The following OPCML variants were observed in gnomAD, a reference collection of about 807,000 sequenced individuals.
OPCML encodes opioid binding protein/cell adhesion molecule like.
Under a neutral mutation model 37.8 loss-of-function variants are expected in OPCML, and 13 were observed. The observed-to-expected ratio is 0.34, with a 90% CI of 0.22 to 0.55. The LOEUF is 0.55. Ranked by LOEUF, OPCML falls within the 20% of genes least tolerant of loss-of-function variation. OPCML has a pLI of 0.91. For missense variants in OPCML, 341 were observed against 435.6 expected (o/e 0.78, Z 1.93); for synonymous variants, 176 against 168.8 (o/e 1.04, Z -0.33).
chr11:133,256,553 C>G (rs1271657348), intron 1 of OPCML, among the ~76,000 whole-genome samples: 3 of 152,070 alleles, frequency 2.0e-5, no homozygotes, highest in African/African-American at 7.2e-5. Flanking sequence ...TTATTGTGTA[C>G]TATACACACT....
At chr11:132,454,375 C>A (rs1329283555) in intron 4 of OPCML, among the ~76,000 whole-genome samples, 1 of 152,152 alleles carries the variant, frequency 6.6e-6, no homozygotes, top group East Asian at 1.9e-4. Context: ...ATGGTGGAAG[C>A]CTGATTTGGA....
intron 3 of OPCML, among the ~76,000 whole-genome samples, chr11:132,642,234 A>T (rs1940891523): frequency 6.6e-6 from 1 of 152,092 alleles, no homozygotes; most frequent in Admixed American, 6.6e-5. Context: ...TGCTGATATT[A>T]TTTCTCTTTT....
intron 1 of OPCML, chr11:133,298,000 A>G (rs773851975): frequency 2.6e-5 from 4 of 151,224 alleles, no homozygotes; most frequent in East Asian, 3.9e-4. Flanking sequence ...TCTTCCTTCT[A>G]TTTCTCCCCC....
chr11:132,699,101 A>G (rs548232336), intron 2 of OPCML, among the ~76,000 whole-genome samples: 1 of 151,804 alleles, frequency 6.6e-6, no homozygotes, highest in Non-Finnish European at 1.5e-5. Flanking sequence ...ATTTATTCCT[A>G]AGGTTTTTTT....
At chr11:133,044,821 A>G (rs1479086503) in intron 1 of OPCML, among the ~76,000 whole-genome samples, 2 of 152,108 alleles carry the variant, frequency 1.3e-5, no homozygotes, top group Admixed American at 1.3e-4. Flanking sequence ...ACGAGACTCT[A>G]CAGTTCAAAA....
At chr11:133,337,982 AG>A (rs1943780811) in intron 1 of OPCML, among the ~76,000 whole-genome samples, 1 of 151,924 alleles carries the variant, frequency 6.6e-6, no homozygotes, top group African/African-American at 2.4e-5. Context: ...TACCTGTGGA[AG>A]CCACAGGGCC....
intron 1 of OPCML, chr11:133,419,387 T>C: frequency 2.1e-6 from 2 of 973,344 alleles, no homozygotes; most frequent in Non-Finnish European, 2.4e-6. Context: ...TCGTCAGAGC[T>C]TATTGCTAAA....
chr11:133,298,375 A>C (rs912388961), intron 1 of OPCML: 7 of 152,228 alleles, frequency 4.6e-5, no homozygotes, highest in Admixed American at 3.9e-4. Context: ...AAATCATCAA[A>C]TATTTGGAGC....
At chr11:132,450,011 C>A (rs377193998) in intron 4 of OPCML, among the ~76,000 whole-genome samples, 1 of 152,120 alleles carries the variant, frequency 6.6e-6, no homozygotes, top group Non-Finnish European at 1.5e-5. Flanking sequence ...CAGAAACCTG[C>A]GCTGGCTCTG....
At chr11:133,103,170 C>T (rs534071517) in intron 1 of OPCML, among the ~76,000 whole-genome samples, 3 of 152,254 alleles carry the variant, frequency 2.0e-5, no homozygotes, top group East Asian at 3.9e-4. Flanking sequence ...TTTTAACTTA[C>T]GCATTTGCTT....
At chr11:133,439,483 T>A (rs1946314445) in intron 1 of OPCML, 8 of 977,546 alleles carry the variant, frequency 8.2e-6, no homozygotes, top group Middle Eastern at 5.3e-4. Context: ...TTTTTTCTTT[T>A]TTGAGATGGA....
intron 1 of OPCML, among the ~76,000 whole-genome samples, chr11:132,987,980 T>C (rs1000208082): frequency 3.3e-5 from 5 of 152,246 alleles, no homozygotes; most frequent in Non-Finnish European, 7.3e-5. Context: ...GATTATGGAT[T>C]TGAAATTACC....
At position 132,506,128 on chromosome 11, in the gene OPCML, G is replaced by A. The variant is rs543549626; in HGVS notation, c.505+22933C>T. On this transcript the variant is annotated intron_variant, in intron 4 of 7. Coordinates refer to ENST00000524381, the MANE Select transcript of OPCML (RefSeq NM_001012393.5). The stretch of plus-strand genomic sequence containing the variant: ...ATATAATGAAGGGGTAACCACAGGA[G>A]TTTTAAGGGTAAAGATTGTGACCTT... Among the ~76,000 whole-genome samples the A allele has an allele frequency of 7.9e-5, 12 of 152,314 alleles. 1 individual carries two copies. The South Asian group carries it at 2.3e-3, about 29-fold the overall frequency.
intron 2 of OPCML, among the ~76,000 whole-genome samples, chr11:132,801,705 G>A (rs1230659160): frequency 6.6e-6 from 1 of 152,106 alleles, no homozygotes; most frequent in African/African-American, 2.4e-5. Context: ...TTCCATTTTT[G>A]TGTTTAAAAT....
At chr11:133,108,078 T>C (rs528665305) in intron 1 of OPCML, among the ~76,000 whole-genome samples, 4 of 152,330 alleles carry the variant, frequency 2.6e-5, no homozygotes, top group Non-Finnish European at 5.9e-5. Flanking sequence ...CAAATTATTC[T>C]TGTTTATGGC....
At chr11:132,807,216 C>T (rs1013648659) in intron 2 of OPCML, among the ~76,000 whole-genome samples, 7 of 151,902 alleles carry the variant, frequency 4.6e-5, no homozygotes, top group Non-Finnish European at 8.8e-5. Flanking sequence ...TAGAGAAAAC[C>T]TACGTCTCAA....
At chr11:133,163,104 C>T (rs190691554) in intron 1 of OPCML, among the ~76,000 whole-genome samples, 3 of 152,186 alleles carry the variant, frequency 2.0e-5, no homozygotes, top group African/African-American at 7.2e-5. Context: ...TGCAGTTAAA[C>T]TTTATTTATT....
intron 1 of OPCML, among the ~76,000 whole-genome samples, chr11:133,287,611 G>A (rs940947979): frequency 5.9e-5 from 9 of 151,986 alleles, no homozygotes; most frequent in African/African-American, 2.2e-4. Flanking sequence ...GTGTATAGAG[G>A]AGGCATGGAG....
chr11:133,344,310 T>C (rs994918089), intron 1 of OPCML, among the ~76,000 whole-genome samples: 3 of 152,334 alleles, frequency 2.0e-5, no homozygotes, highest in African/African-American at 7.2e-5. Context: ...TGAGAGCCAA[T>C]GCTGTCTTTG....
Sources: gnomAD v4.1 joint callset for allele counts (sites outside exome capture counted in the v4.1 genomes callset) on GRCh38, gnomAD v4.1.1 for gene constraint, MANE v1.5 for transcripts, NCBI Gene and HGNC (gene_info 2026-07-23, HGNC 2026-07-21) for gene names.